MYO5B: variants seen among roughly 807,000 people sequenced by gnomAD.
The protein encoded by MYO5B is unconventional myosin-Vb.
In MYO5B, 143 loss-of-function variants were observed where a neutral mutation model predicts 229.3. The observed-to-expected ratio is 0.62, with a 90% CI of 0.54 to 0.72. MYO5B has a LOEUF of 0.72. MYO5B is among the 30% of genes least tolerant of loss of function. The pLI, the probability that MYO5B is intolerant of heterozygous loss-of-function variation, is 0.00. For synonymous variants in MYO5B, 918 were observed against 885.2 expected (o/e 1.04, Z -0.66); for missense variants, 2,321 against 2,331.0 (o/e 1.00, Z 0.09).
intron 1 of MYO5B, among the ~76,000 whole-genome samples, chr18:50,081,337 T>C (rs1350804266): frequency 6.6e-6 from 1 of 152,138 alleles, no homozygotes; most frequent in Non-Finnish European, 1.5e-5. Context: ...GCCCAACCCT[T>C]AGGAAAACAA....
intron 2 of MYO5B, 112 bp from the exon 3 acceptor site, chr18:50,040,426 G>A (rs1011226391): frequency 7.3e-6 from 8 of 1,089,384 alleles, no homozygotes; most frequent in African/African-American, 6.2e-5. Flanking sequence ...AGTAAGTAAT[G>A]AAGATAATGT....
At chr18:49,979,115 A>T (rs115573094) in intron 9 of MYO5B, among the ~76,000 whole-genome samples, 2,705 of 151,868 alleles carry the variant, frequency 0.018, 62 homozygotes, top group African/African-American at 0.061. Flanking sequence ...TTCCTCCACC[A>T]CCCCCTGGGC....
chr18:49,862,013 T>TTTTG (rs2024336394), intron 29 of MYO5B, among the ~76,000 whole-genome samples: 1 of 150,478 alleles, frequency 6.6e-6, no homozygotes, highest in African/African-American at 2.5e-5. Context: ...TTTTTTTTTT[T>TTTTG]GGAGACACAG....
At chr18:49,942,483 T>C (rs1011673286) in intron 14 of MYO5B, among the ~76,000 whole-genome samples, 2 of 148,102 alleles carry the variant, frequency 1.4e-5, no homozygotes, top group Non-Finnish European at 3.0e-5. Context: ...AGGGCTAATA[T>C]CCAGAATCTA....
At position 49,895,013 on chromosome 18, in the gene MYO5B, C is replaced by T. The variant is rs141594727; in HGVS notation, c.2973G>A (p.Glu991=). ...LQEEVESLRT[E]LQRAHSERKI... is the part of the protein sequence containing the mutation. ...TGCGCTCCGAGTGGGCCCTCTGCAGCTCTGTGCGCAGGCTCTCCACCTCCT... is the reference window on the plus strand; with the variant it reads ...TGCGCTCCGAGTGGGCCCTCTGCAGTTCTGTGCGCAGGCTCTCCACCTCCT... The change falls in exon 22 of 40, where the codon GAG becomes GAA. Residue 991 remains glutamate, a synonymous_variant. Transcript: ENST00000285039. 6.2e-7 allele frequency: 1 copy of T among 1,614,000 alleles called. No individual in the cohort carries two copies. The highest frequency in any genetic ancestry group is 2.2e-5 in the East Asian group (1 of 44,878).
intron 4 of MYO5B, among the ~76,000 whole-genome samples, chr18:50,016,074 G>A (rs775558299): frequency 1.3e-5 from 2 of 152,234 alleles, no homozygotes; most frequent in Non-Finnish European, 2.9e-5. Context: ...CACAGGGAAA[G>A]GGCCAAAGAT....
At chr18:50,157,153 T>G (rs1369828586) in intron 1 of MYO5B, among the ~76,000 whole-genome samples, 1 of 151,938 alleles carries the variant, frequency 6.6e-6, no homozygotes, top group Non-Finnish European at 1.5e-5. Context: ...TCGCCCAGGC[T>G]GGAGTGCAGT....
At chr18:49,949,746 T>A (rs554296049) in intron 14 of MYO5B, among the ~76,000 whole-genome samples, 1 of 152,384 alleles carries the variant, frequency 6.6e-6, no homozygotes, top group African/African-American at 2.4e-5. Flanking sequence ...TTAGCTGTGC[T>A]AAATGAAAAC....
At chr18:49,925,606 A>G (rs2025120366) in intron 17 of MYO5B, among the ~76,000 whole-genome samples, 1 of 152,224 alleles carries the variant, frequency 6.6e-6, no homozygotes, top group Non-Finnish European at 1.5e-5. Flanking sequence ...GTTCTGAGAA[A>G]CAGTGGATAA....
At chr18:50,104,852 A>C (rs1445558837) in intron 1 of MYO5B, among the ~76,000 whole-genome samples, 1 of 152,120 alleles carries the variant, frequency 6.6e-6, no homozygotes, top group Non-Finnish European at 1.5e-5. Context: ...TGGACAAGAG[A>C]TATCCCAGAC....
chr18:50,133,999 T>G (rs72919889), intron 1 of MYO5B, among the ~76,000 whole-genome samples: 18,070 of 152,170 alleles, frequency 0.12, 1,212 homozygotes, highest in East Asian at 0.24. Flanking sequence ...AAAGGTTTTT[T>G]AAAGATGGGA....
At chr18:49,912,256 C>G (rs1469432422) in intron 17 of MYO5B, 83 bp from the exon 18 acceptor site, 6 of 997,608 alleles carry the variant, frequency 6.0e-6, no homozygotes, top group South Asian at 1.3e-5. Flanking sequence ...AGACAGTTCC[C>G]TATGGGGTCA....
chr18:50,038,628 C>G (rs1385962399), intron 3 of MYO5B, among the ~76,000 whole-genome samples: 1 of 152,174 alleles, frequency 6.6e-6, no homozygotes, highest in Non-Finnish European at 1.5e-5. Context: ...CTTAAACATC[C>G]TGGCCCCTCC....
At chr18:50,171,671 G>C (rs1489051495) in intron 1 of MYO5B, among the ~76,000 whole-genome samples, 1 of 128,320 alleles carries the variant, frequency 7.8e-6, no homozygotes, top group African/African-American at 2.9e-5. Flanking sequence ...CAGAGTTCTG[G>C]TGGGTTCTGC....
intron 4 of MYO5B, among the ~76,000 whole-genome samples, chr18:50,018,519 T>C (rs1989506): frequency 8.5e-5 from 13 of 152,192 alleles, no homozygotes; most frequent in Admixed American, 8.5e-4. Context: ...GCAAGCTTTA[T>C]GAAAATAATA....
intron 1 of MYO5B, among the ~76,000 whole-genome samples, chr18:50,091,611 T>C (rs1203475191): frequency 6.6e-6 from 1 of 152,174 alleles, no homozygotes; most frequent in Non-Finnish European, 1.5e-5. Flanking sequence ...GGCAACTGTC[T>C]GCCTTCTTCC....
At chr18:49,891,028 T>A (rs1598860728) in intron 22 of MYO5B, among the ~76,000 whole-genome samples, 1 of 152,156 alleles carries the variant, frequency 6.6e-6, no homozygotes, top group Non-Finnish European at 1.5e-5. Context: ...GAGTTGCTCA[T>A]CTCTCTGGAG....
chr18:49,941,381 T>C (rs1259854932), intron 14 of MYO5B, among the ~76,000 whole-genome samples: 1 of 152,178 alleles, frequency 6.6e-6, no homozygotes, highest in Non-Finnish European at 1.5e-5. Context: ...GCTGACACCA[T>C]GATTAGCACT....
intron 22 of MYO5B, 116 bp downstream of exon 22, chr18:49,894,804 GATGAATGGTCAGTCTGTGCAC>G (rs1424587350): frequency 5.3e-5 from 41 of 768,674 alleles, no homozygotes; most frequent in Non-Finnish European, 8.7e-5. Context: ...TCTAGACACA[GATGAATGGTCAGTCTGTGCAC>G]ATGAGCCCAA....
Sources: allele counts gnomAD v4.1 joint callset (sites outside exome capture counted in the v4.1 genomes callset), GRCh38; gene constraint gnomAD v4.1.1; transcripts MANE v1.5; gene names NCBI Gene and HGNC (gene_info 2026-07-23, HGNC 2026-07-21).